Variants in EDIL3 observed in about 807,000 individuals in gnomAD.
The protein encoded by EDIL3 is EGF-like repeat and discoidin I-like domain-containing protein 3.
EDIL3 carries 37 observed loss-of-function variants against 67.4 expected under a neutral mutation model. The ratio of observed to expected loss-of-function variants is 0.55; its 90% CI spans 0.42 to 0.72. The LOEUF (loss-of-function observed/expected upper bound fraction) is 0.72. EDIL3 is among the 30% of genes least tolerant of loss of function. The pLI is 0.00. For synonymous variants in EDIL3, 195 were observed against 196.3 expected (o/e 0.99, Z 0.05); for missense variants, 527 against 586.3 (o/e 0.90, Z 1.04).
chr5:84,225,941 G>A (rs1329736056), intron 3 of EDIL3, among the ~76,000 whole-genome samples: 2 of 151,536 alleles, frequency 1.3e-5, no homozygotes, highest in Non-Finnish European at 3.0e-5. Flanking sequence ...TCAGGATGCT[G>A]TGATTTTTGG....
chr5:84,248,387 A>G (rs1561234342), intron 2 of EDIL3, among the ~76,000 whole-genome samples: 1 of 151,908 alleles, frequency 6.6e-6, no homozygotes, highest in African/African-American at 2.4e-5. Flanking sequence ...CTACCTGACT[A>G]CTCTGCCTCT....
chr5:84,282,524 A>G (rs980940371), intron 1 of EDIL3, among the ~76,000 whole-genome samples: 5 of 152,158 alleles, frequency 3.3e-5, no homozygotes, highest in Admixed American at 3.3e-4. Flanking sequence ...CTGTTTACAG[A>G]TATTTGGGAT....
intron 1 of EDIL3, among the ~76,000 whole-genome samples, chr5:84,373,553 G>A (rs1050444574): frequency 1.3e-5 from 2 of 151,998 alleles, no homozygotes; most frequent in Non-Finnish European, 2.9e-5. Context: ...TAGTGCCAGA[G>A]ATGGAAAAAA....
rs528633243 is a variant in EDIL3 at position 84,021,958 on chromosome 5, A to C, written c.1137+38342T>G. Among the ~76,000 whole-genome samples, 3 of 152,132 alleles carry C rather than the reference A, an allele frequency of 2.0e-5. No individual in the cohort carries two copies. The South Asian group carries it at 6.2e-4, about 32-fold the overall frequency. ...CAGGATTAGATGAAATCATTGCCTA[A>C]TTCTACCAAATGTATAAAGAAGAAC... On this transcript the variant is annotated intron_variant, in intron 9 of 10. Transcript: ENST00000296591.
chr5:84,137,618 T>C (rs1277288130), intron 4 of EDIL3, among the ~76,000 whole-genome samples: 2 of 152,124 alleles, frequency 1.3e-5, no homozygotes, highest in Non-Finnish European at 2.9e-5. Flanking sequence ...TGAAAATAAA[T>C]ATGAGTAGTC....
chr5:84,319,044 A>G (rs1410539182), intron 1 of EDIL3, among the ~76,000 whole-genome samples: 2 of 152,236 alleles, frequency 1.3e-5, no homozygotes, highest in African/African-American at 4.8e-5. Context: ...CAACAGACAT[A>G]TGAAGAAATG....
At chr5:84,142,025 A>G (rs1748209793) in intron 4 of EDIL3, among the ~76,000 whole-genome samples, 1 of 147,036 alleles carries the variant, frequency 6.8e-6, no homozygotes, top group African/African-American at 2.5e-5. Flanking sequence ...CCCTTAGGCA[A>G]TTCACCTTAT....
chr5:84,176,177 A>G (rs61328929), intron 4 of EDIL3, among the ~76,000 whole-genome samples: 2,331 of 100,702 alleles, frequency 0.023, 87 homozygotes, highest in African/African-American at 0.092. Flanking sequence ...TCTCAGTGGT[A>G]AAAAATATAT....
intron 3 of EDIL3, among the ~76,000 whole-genome samples, chr5:84,190,033 G>C (rs973588712): frequency 6.6e-6 from 1 of 151,858 alleles, no homozygotes; most frequent in African/African-American, 2.4e-5. Flanking sequence ...TAAGGCCTAG[G>C]TGCACCTTGA....
intron 9 of EDIL3, among the ~76,000 whole-genome samples, chr5:84,030,890 A>T (rs1745908508): frequency 6.6e-6 from 1 of 152,090 alleles, no homozygotes; most frequent in South Asian, 2.1e-4. Context: ...GGGCTGCCAT[A>T]ACAAAGTGCC....
intron 2 of EDIL3, among the ~76,000 whole-genome samples, chr5:84,242,064 CAAAAAA>C (rs397702402): frequency 1.6e-5 from 2 of 122,342 alleles, no homozygotes; most frequent in South Asian, 5.4e-4. Flanking sequence ...ACTAAAAGTA[CAAAAAA>C]AAAAAAAAAA....
At chr5:84,078,337 TA>T (rs1193977655) in intron 6 of EDIL3, among the ~76,000 whole-genome samples, 1 of 152,072 alleles carries the variant, frequency 6.6e-6, no homozygotes, top group Non-Finnish European at 1.5e-5. Flanking sequence ...ATATACTCTC[TA>T]AGAATCAGAA....
intron 3 of EDIL3, among the ~76,000 whole-genome samples, chr5:84,215,277 G>A (rs377048126): frequency 6.6e-5 from 10 of 151,564 alleles, no homozygotes; most frequent in South Asian, 6.3e-4. Flanking sequence ...TTCTTGAGAC[G>A]GAGTTTTGCT....
chr5:84,146,431 G>T (rs1338328282), intron 4 of EDIL3, among the ~76,000 whole-genome samples: 1 of 152,038 alleles, frequency 6.6e-6, no homozygotes, highest in Non-Finnish European at 1.5e-5. Context: ...CTTCTTACCA[G>T]CCTTCAAGGT....
chr5:83,959,650 G>A (rs372973791), intron 10 of EDIL3, among the ~76,000 whole-genome samples: 2 of 150,660 alleles, frequency 1.3e-5, no homozygotes, highest in East Asian at 3.9e-4. Context: ...TCCTCTTATG[G>A]AGAGTAATCA....
chr5:84,069,565 T>G (rs1369975449), intron 6 of EDIL3, among the ~76,000 whole-genome samples: 2 of 152,170 alleles, frequency 1.3e-5, no homozygotes, highest in Non-Finnish European at 2.9e-5. Flanking sequence ...TGGTTTTTTT[T>G]TACATGAAAA....
chr5:83,969,719 C>G (rs1744757630), intron 9 of EDIL3, among the ~76,000 whole-genome samples: 1 of 151,708 alleles, frequency 6.6e-6, no homozygotes, highest in Non-Finnish European at 1.5e-5. Context: ...TCTTTACACA[C>G]CAATCCCATT....
intron 4 of EDIL3, among the ~76,000 whole-genome samples, chr5:84,168,010 A>G (rs554929395): frequency 6.6e-6 from 1 of 152,310 alleles, no homozygotes; most frequent in South Asian, 2.1e-4. Flanking sequence ...TAAAATGATT[A>G]AAATCTCCTG....
intron 10 of EDIL3, among the ~76,000 whole-genome samples, chr5:83,953,466 T>A (rs756221227): frequency 4.7e-4 from 71 of 151,856 alleles, no homozygotes; most frequent in Non-Finnish European, 8.4e-4. Context: ...TATTGGGGTA[T>A]TACCAAAAAG....
Sources: allele counts gnomAD v4.1 joint callset (sites outside exome capture counted in the v4.1 genomes callset), GRCh38; gene constraint gnomAD v4.1.1; transcripts MANE v1.5; gene names NCBI Gene and HGNC (gene_info 2026-07-23, HGNC 2026-07-21).